KMT2E: variants seen among roughly 807,000 people sequenced by gnomAD.
KMT2E encodes histone reader KMT2E.
KMT2E carries 30 observed loss-of-function variants against 184.6 expected under a neutral mutation model. The ratio of observed to expected loss-of-function variants is 0.16; its 90% CI spans 0.12 to 0.22. KMT2E has a LOEUF of 0.22. Among genes scored for constraint, KMT2E ranks in the 10% least tolerant of loss-of-function variants. The pLI, the probability that KMT2E is intolerant of heterozygous loss-of-function variation, is 1.00. For synonymous variants in KMT2E, 815 were observed against 776.5 expected (o/e 1.05, Z -0.82); for missense variants, 2,023 against 2,237.4 (o/e 0.90, Z 1.93).
At chr7:105,055,906 G>A (rs1242876873) in intron 3 of KMT2E, among the ~76,000 whole-genome samples, 1 of 151,898 alleles carries the variant, frequency 6.6e-6, no homozygotes, top group Non-Finnish European at 1.5e-5. Context: ...TTAAGAAGAA[G>A]GATCACTTTT....
chr7:105,109,296 T>A, intron 23 of KMT2E, 68 bp downstream of exon 23: 1 of 1,490,974 alleles, frequency 6.7e-7, no homozygotes, highest in Admixed American at 1.9e-5. Flanking sequence ...TTCCTATTTG[T>A]TGTTCTCCCA....
chr7:105,065,110 T>C (rs1796976311), intron 5 of KMT2E, among the ~76,000 whole-genome samples: 1 of 152,184 alleles, frequency 6.6e-6, no homozygotes, highest in South Asian at 2.1e-4. Flanking sequence ...GTTATGACTC[T>C]AATATTTGTT....
At chr7:105,035,640 C>T (rs1385294794) in intron 1 of KMT2E, among the ~76,000 whole-genome samples, 7 of 151,994 alleles carry the variant, frequency 4.6e-5, no homozygotes, top group South Asian at 4.2e-4. Context: ...TTGCTCTTGT[C>T]GCCCAGGCTG....
rs541281997 is a variant in KMT2E, at chr7:105,043,034, T to C, written c.71+2011T>C. On this transcript the variant is annotated intron_variant, in intron 3 of 26. Transcript: ENST00000311117. The stretch of plus-strand genomic sequence containing the variant: ...GTATGAGCTTCTCATCAAAACCCAC[T>C]TGCAGTTTGAGAGTTTATACAGAGA... Among the ~76,000 whole-genome samples the C allele has an allele frequency of 2.6e-5, 4 of 152,310 alleles. No individual in the cohort carries two copies. The South Asian group carries it at 8.3e-4, about 32-fold the overall frequency.
chr7:105,072,049 C>T (rs530077056), intron 6 of KMT2E, among the ~76,000 whole-genome samples: 13 of 151,958 alleles, frequency 8.6e-5, no homozygotes, highest in Admixed American at 6.6e-5. Flanking sequence ...CGGTGGCTCA[C>T]ACCTGTAATC....
intron 3 of KMT2E, among the ~76,000 whole-genome samples, chr7:105,044,482 T>C (rs1214647595): frequency 6.6e-6 from 1 of 152,208 alleles, no homozygotes; most frequent in Non-Finnish European, 1.5e-5. Context: ...AGAGTAGTTA[T>C]GTGGCATGTC....
chr7:105,099,759 T>G (rs1798577679), intron 15 of KMT2E, among the ~76,000 whole-genome samples: 1 of 152,124 alleles, frequency 6.6e-6, no homozygotes, highest in Non-Finnish European at 1.5e-5. Context: ...AAATGTACTT[T>G]CCCCAAATTT....
At chr7:105,060,589 G>A (rs973468272) in intron 3 of KMT2E, among the ~76,000 whole-genome samples, 2 of 151,686 alleles carry the variant, frequency 1.3e-5, no homozygotes, top group Non-Finnish European at 2.9e-5. Flanking sequence ...AACACGCTTG[G>A]CTAGTTTTTT....
At chr7:105,062,042 G>A in intron 3 of KMT2E, 122 bp from the exon 4 acceptor site, 1 of 675,606 alleles carries the variant, frequency 1.5e-6, no homozygotes, top group East Asian at 2.6e-5. Context: ...TCCACCTGCT[G>A]TAAGTAGATA....
rs577670610 is a variant in KMT2E, at chr7:105,107,606, A to C, written c.3149A>C (p.Asn1050Thr). The C allele has an allele frequency of 6.2e-7, 1 of 1,614,038 alleles. No homozygotes were observed. Among genetic ancestry groups the C allele is most frequent in the African/African-American group, 1.3e-5 (1 of 74,938 alleles). ...CCTGCACATGACAGGGCTGAGCCCA[A>C]CAGCCAACTGGACTCGACTCACTCT... ...ETPAHDRAEP[N>T]SQLDSTHSGR... is the part of the protein sequence containing the mutation. Residue 1050 changes from asparagine (N) to threonine (T), a missense_variant, in exon 22 of 27, where the codon AAC becomes ACC. Asn to Thr is a moderately conservative substitution (Grantham distance 65). This residue lies in a region of KMT2E where 1,108 missense variants were observed against 1,050.9 expected (regional missense o/e 1.05). Coordinates refer to ENST00000311117, the MANE Select transcript of KMT2E (RefSeq NM_182931.3).
chr7:105,031,387 A>G (rs189902357), intron 1 of KMT2E, among the ~76,000 whole-genome samples: 93 of 151,596 alleles, frequency 6.1e-4, no homozygotes, highest in African/African-American at 2.2e-3. Context: ...AGGGTGGGGA[A>G]GAAAGAATGA....
At position 105,107,419 on chromosome 7, in the gene KMT2E, A is replaced by G. The variant is rs764424702; in HGVS notation, c.2962A>G (p.Thr988Ala). The change falls in exon 22 of 27, where the codon ACT (threonine) becomes GCT (alanine). Residue 988 changes from threonine (T) to alanine (A), a missense_variant. Thr to Ala is a moderately conservative substitution (Grantham distance 58). Transcript: ENST00000311117. ...TLGPFRNSNL[T>A]ELGLQEIKTI... Reference sequence around the variant, plus strand: ...GGGGCCTTTTAGAAATTCTAATTTAACTGAACTGGGTCTGCAAGAAATAAA... The same window carrying G: ...GGGGCCTTTTAGAAATTCTAATTTAGCTGAACTGGGTCTGCAAGAAATAAA... 1.2e-6 allele frequency: 2 copies of G among 1,609,996 alleles called. No homozygotes were observed. Among genetic ancestry groups the G allele is most frequent in the Non-Finnish European group, 1.7e-6 (2 of 1,178,558 alleles).
chr7:105,101,543 C>G lies in KMT2E; in HGVS notation c.1841C>G (p.Thr614Ser), dbSNP rs540893678. 8 of 1,582,864 alleles carry G rather than the reference C, an allele frequency of 5.1e-6. No homozygotes were observed. Among genetic ancestry groups the G allele is most frequent in the African/African-American group, 1.4e-5 (1 of 73,068 alleles). The change falls in exon 16 of 27, where the codon ACT becomes AGT. Residue 614 changes from threonine to serine, a missense_variant. Physicochemically the swap from Thr to Ser is moderately conservative, Grantham distance 58 (BLOSUM62 1). Around this residue, in one of 8 missense-constraint regions of KMT2E, gnomAD observed 514 missense variants for 621.8 expected, o/e 0.83. Transcript: ENST00000311117. The stretch of plus-strand genomic sequence containing the variant: ...AGCACAGCCAAAACTGAAGTTAAAA[C>G]TGAATGTAAAGATACACAGATTGTC... ...RISTAKTEVKTECKDTQIVSD... is the reference protein window; with the variant it reads ...RISTAKTEVKSECKDTQIVSD...
At position 105,114,700 on chromosome 7, in the gene KMT2E, A is replaced by AAAGT. The variant is rs1799530688; in HGVS notation, c.*1370_*1373dup. On this transcript the variant is annotated 3_prime_UTR_variant, in exon 27 of 27. Coordinates refer to ENST00000311117, the MANE Select transcript of KMT2E (RefSeq NM_182931.3). ...AGGATACAAATTCTGTGCATCAGAGAAAGTAAACACTAAAATGACTGCGTG... is the reference window on the plus strand; with the variant it reads ...AGGATACAAATTCTGTGCATCAGAGAAAGTAAGTAAACACTAAAATGACTGCGTG... Among the ~76,000 whole-genome samples, 1 of 152,224 alleles carries AAAGT rather than the reference A, an allele frequency of 6.6e-6. No homozygotes were observed. The highest frequency in any genetic ancestry group is 2.1e-4 in the South Asian group (1 of 4,828).
Position 105,107,702 on chromosome 7 carries a change from C to T in KMT2E, c.3245C>T (p.Ser1082Phe). ...ACAGGAGTTAACTTCTCAGTGAACT[C>T]CAACTTGAGGGACCTGACACCCTCG... ...DRTGVNFSVNSNLRDLTPSHQ... is the reference protein window; with the variant it reads ...DRTGVNFSVNFNLRDLTPSHQ... Residue 1082 changes from serine to phenylalanine, a missense_variant, in exon 22 of 27, where the codon TCC (serine) becomes TTC (phenylalanine). By Grantham distance (155) the Ser-to-Phe change is radical (BLOSUM62 -2). This residue lies in a region of KMT2E where 1,108 missense variants were observed against 1,050.9 expected (regional missense o/e 1.05). Transcript: ENST00000311117. 1.2e-6 allele frequency: 2 copies of T among 1,614,140 alleles called. No individual in the cohort carries two copies. Among genetic ancestry groups the T allele is most frequent in the Non-Finnish European group, 1.7e-6 (2 of 1,180,028 alleles).
At chr7:105,109,781 T>A (rs1799104782) in intron 23 of KMT2E, among the ~76,000 whole-genome samples, 1 of 152,126 alleles carries the variant, frequency 6.6e-6, no homozygotes, top group Admixed American at 6.6e-5. Context: ...GACAAAGGAA[T>A]TGAGTCCTTC....
At chr7:105,103,574 T>G (rs1269320512) in intron 17 of KMT2E, 1 of 152,232 alleles carries the variant, frequency 6.6e-6, no homozygotes, top group South Asian at 2.1e-4. Flanking sequence ...GGTCATAGTG[T>G]AAATGGCAAA....
intron 8 of KMT2E, among the ~76,000 whole-genome samples, 160 bp downstream of exon 8, chr7:105,074,975 G>A (rs1180508364): frequency 1.3e-5 from 2 of 152,140 alleles, no homozygotes; most frequent in African/African-American, 2.4e-5. Flanking sequence ...ACATTTTAAC[G>A]TGTTTTAAAG....
chr7:105,076,165 T>C (rs1797519099), intron 9 of KMT2E, 84 bp downstream of exon 9: 1 of 953,320 alleles, frequency 1.0e-6, no homozygotes, highest in Non-Finnish European at 1.7e-6. Context: ...CTTTACTTAA[T>C]GCTCTGTTTA....
Sources: gnomAD v4.1 joint callset for allele counts (sites outside exome capture counted in the v4.1 genomes callset) on GRCh38, gnomAD v4.1.1 for gene constraint, gnomAD v4.1.1 regional missense constraint, MANE v1.5 for transcripts, NCBI Gene and HGNC (gene_info 2026-07-23, HGNC 2026-07-21) for gene names.